CNTLN: variants seen among roughly 807,000 people sequenced by gnomAD.
The protein encoded by CNTLN is centlein, also known as centlein, centrosomal protein.
Under a neutral mutation model 180.0 loss-of-function variants are expected in CNTLN, and 212 were observed. That is an observed-to-expected ratio of 1.18 (90% CI 1.05 to 1.32). The LOEUF (loss-of-function observed/expected upper bound fraction) is 1.32. Among genes scored for constraint, CNTLN ranks in the 40% most tolerant of loss-of-function variants. The probability of loss-of-function intolerance (pLI) is 0.00; values close to 1 mark genes in which losing one functional copy is unlikely to be tolerated. For missense variants in CNTLN, 2,095 were observed against 1,610.9 expected (o/e 1.30, Z -5.14); for synonymous variants, 722 against 563.1 (o/e 1.28, Z -3.99).
the CNTLN span, among the ~76,000 whole-genome samples, chr9:17,510,761 C>G: frequency 6.6e-6 from 1 of 152,146 alleles, no homozygotes; most frequent in Non-Finnish European, 1.5e-5. Context: ...GTCTGTTTCC[C>G]CATGTTGGTT....
intron 2 of CNTLN, among the ~76,000 whole-genome samples, chr9:17,179,333 T>C (rs557523212): frequency 6.6e-6 from 1 of 152,154 alleles, no homozygotes; most frequent in African/African-American, 2.4e-5. Flanking sequence ...TTATAAATTT[T>C]CCTCTCAGCT....
At chr9:17,462,213 T>C (rs1184656403) in intron 19 of CNTLN, among the ~76,000 whole-genome samples, 1 of 151,700 alleles carries the variant, frequency 6.6e-6, no homozygotes, top group Admixed American at 6.6e-5. Context: ...TATCCCTGGA[T>C]TTTTTCAAAC....
intron 25 of CNTLN, among the ~76,000 whole-genome samples, chr9:17,487,740 C>G (rs1832964667): frequency 6.6e-6 from 1 of 152,104 alleles, no homozygotes; most frequent in Non-Finnish European, 1.5e-5. Flanking sequence ...GAGACTGCTG[C>G]TGTGACCTGT....
intron 2 of CNTLN, among the ~76,000 whole-genome samples, chr9:17,151,337 T>C (rs1391162806): frequency 6.6e-6 from 1 of 152,210 alleles, no homozygotes; most frequent in Non-Finnish European, 1.5e-5. Flanking sequence ...ACCTAGTTTA[T>C]TGAGAGTTTT....
chr9:17,151,538 G>C (rs1818878770), intron 2 of CNTLN, among the ~76,000 whole-genome samples: 1 of 152,190 alleles, frequency 6.6e-6, no homozygotes, highest in Non-Finnish European at 1.5e-5. Context: ...TAAGCTTTTT[G>C]ATGTGCTGCT....
chr9:17,466,928 C>G, intron 23 of CNTLN, 37 bp downstream of exon 23: 1 of 1,513,958 alleles, frequency 6.6e-7, no homozygotes, highest in African/African-American at 1.4e-5. Flanking sequence ...TTGTACTTTA[C>G]TTTAGGCAGA....
At chr9:17,228,926 G>C (rs941233052) in intron 3 of CNTLN, among the ~76,000 whole-genome samples, 1 of 152,030 alleles carries the variant, frequency 6.6e-6, no homozygotes, top group Non-Finnish European at 1.5e-5. Flanking sequence ...GCTCCTCTTA[G>C]AAAGTTTGTG....
In CNTLN at chr9:17,294,998, C is replaced by G. The variant is rs560163151; in HGVS notation, c.984-3192C>G. ...GCCGCACAGGGAGGCAGCTAAGGCC[C>G]GGTGAGAAATTGAGAGCAGCGCCGG... On this transcript the variant is annotated intron_variant, in intron 6 of 25. Coordinates refer to ENST00000380647, the MANE Select transcript of CNTLN (RefSeq NM_017738.4). Among the ~76,000 whole-genome samples, 6 of 151,484 alleles carry G rather than the reference C, an allele frequency of 4.0e-5. No individual in the cohort carries two copies. The South Asian group carries it at 6.2e-4, about 16-fold the overall frequency.
the CNTLN span, among the ~76,000 whole-genome samples, chr9:17,509,442 C>G: frequency 6.6e-6 from 1 of 152,302 alleles, no homozygotes; most frequent in East Asian, 1.9e-4. Context: ...ACCACCATGG[C>G]ATTGCACACA....
rs770343573 is a variant in CNTLN at position 17,226,163 on chromosome 9, A to G, written c.450-40A>G. On this transcript the variant is annotated intron_variant, in intron 2 of 25. Coordinates refer to ENST00000380647, the MANE Select transcript of CNTLN (RefSeq NM_017738.4). ...GATATGAAAATTTAAAGTATTAGCT[A>G]CCAGTTATGACTAATAAACTCTCTA... 2.9e-6 allele frequency: 3 copies of G among 1,027,164 alleles called. No homozygotes were observed. The Admixed American group carries it at 7.6e-5, about 26-fold the overall frequency. 63.6% of individuals were successfully genotyped at this position (1,027,164 alleles called of 1,614,324 possible).
chr9:17,205,440 G>C (rs543700824), intron 2 of CNTLN, among the ~76,000 whole-genome samples: 59 of 152,310 alleles, frequency 3.9e-4, no homozygotes, highest in African/African-American at 1.3e-3. Context: ...TTCACCACCA[G>C]ACTGGGAAGC....
At chr9:17,357,939 G>T (rs2133357095) in intron 12 of CNTLN, among the ~76,000 whole-genome samples, 1 of 151,928 alleles carries the variant, frequency 6.6e-6, no homozygotes, top group South Asian at 2.1e-4. Flanking sequence ...GTGTAGATTA[G>T]TTGCTTCTTA....
At chr9:17,478,296 C>T (rs896572873) in intron 23 of CNTLN, among the ~76,000 whole-genome samples, 2 of 152,070 alleles carry the variant, frequency 1.3e-5, no homozygotes, top group Non-Finnish European at 2.9e-5. Flanking sequence ...TCAAGTATGC[C>T]TGTATTTTGG....
chr9:17,148,195 A>G (rs1337429266), intron 2 of CNTLN, among the ~76,000 whole-genome samples: 1 of 152,150 alleles, frequency 6.6e-6, no homozygotes, highest in Non-Finnish European at 1.5e-5. Context: ...TCCTTCTACC[A>G]CTAATGGATT....
intron 2 of CNTLN, among the ~76,000 whole-genome samples, chr9:17,205,107 C>T (rs1228704452): frequency 6.6e-6 from 1 of 152,166 alleles, no homozygotes; most frequent in African/African-American, 2.4e-5. Context: ...GCCAGTGGTT[C>T]TTAGCTTGCT....
At chr9:17,218,898 A>G (rs1462956053) in intron 2 of CNTLN, among the ~76,000 whole-genome samples, 2 of 152,198 alleles carry the variant, frequency 1.3e-5, no homozygotes, top group African/African-American at 2.4e-5. Context: ...GTAGTGTATA[A>G]TATATGGCAT....
chr9:17,358,515 GTGTA>G (rs1330481680), intron 12 of CNTLN, among the ~76,000 whole-genome samples: 1 of 152,042 alleles, frequency 6.6e-6, no homozygotes, highest in African/African-American at 2.4e-5. Flanking sequence ...ACGTACACGT[GTGTA>G]TGTACTACAT....
At chr9:17,518,907 T>C in the CNTLN span, among the ~76,000 whole-genome samples, 1 of 152,132 alleles carries the variant, frequency 6.6e-6, no homozygotes, top group Non-Finnish European at 1.5e-5. Flanking sequence ...AATAAGCTTC[T>C]GCTGTGAAAA....
intron 2 of CNTLN, among the ~76,000 whole-genome samples, chr9:17,178,464 T>C (rs539549652): frequency 2.0e-5 from 3 of 150,876 alleles, no homozygotes; most frequent in Non-Finnish European, 4.4e-5. Context: ...GAATAGGGAG[T>C]GGTGCTGGTT....
Sources: gnomAD v4.1 joint callset for allele counts (sites outside exome capture counted in the v4.1 genomes callset) on GRCh38, gnomAD v4.1.1 for gene constraint, MANE v1.5 for transcripts, NCBI Gene and HGNC (gene_info 2026-07-23, HGNC 2026-07-21) for gene names.